Variants in DENND5B observed in about 807,000 individuals in gnomAD.
DENND5B encodes DENN domain-containing protein 5B.
A neutral mutation model predicts 140.6 loss-of-function variants in DENND5B; 34 were observed. The observed-to-expected ratio is 0.24, with a 90% CI of 0.18 to 0.32. The LOEUF is 0.32. Ranked by LOEUF, DENND5B falls within the 10% of genes least tolerant of loss-of-function variation. DENND5B has a pLI of 1.00. For missense variants in DENND5B, 1,142 were observed against 1,560.2 expected, an observed-to-expected ratio of 0.73 and a Z score of 4.52; for synonymous variants, 551 against 562.1, an observed-to-expected ratio of 0.98 and a Z score of 0.28.
chr12:31,433,473 C>G (rs908586066), intron 7 of DENND5B, among the ~76,000 whole-genome samples: 1 of 152,128 alleles, frequency 6.6e-6, no homozygotes, highest in Non-Finnish European at 1.5e-5. Flanking sequence ...TCACCACAAT[C>G]AGAATTTTTA....
intron 1 of DENND5B, among the ~76,000 whole-genome samples, chr12:31,548,096 T>C (rs372324032): frequency 9.9e-5 from 15 of 152,190 alleles, no homozygotes; most frequent in African/African-American, 3.1e-4. Context: ...CTAATATAGT[T>C]CACATTAGAA....
At position 31,398,370 on chromosome 12, in the gene DENND5B, G is replaced by A. The variant is rs1401705573; in HGVS notation, c.3069-8C>T. On this transcript the variant is annotated splice_polypyrimidine_tract_variant and splice_region_variant and intron_variant, in intron 16 of 20. Coordinates refer to ENST00000389082, the MANE Select transcript of DENND5B (RefSeq NM_144973.4). ...CACCGCCCACATGGGAATCTGGTAG[G>A]ACAGAAAACAAGTTTTTTATTTTTT... 4 of 1,523,256 alleles carry A rather than the reference G, an allele frequency of 2.6e-6. No individual in the cohort carries two copies. In the African/African-American group the frequency reaches 4.2e-5, roughly 16 times the overall value. The allele number at this position is 1,523,256 out of a possible 1,614,324, so 94.4% of individuals were successfully genotyped here.
intron 2 of DENND5B, among the ~76,000 whole-genome samples, chr12:31,491,377 C>A (rs1946520691): frequency 6.6e-6 from 1 of 152,094 alleles, no homozygotes; most frequent in Non-Finnish European, 1.5e-5. Context: ...CACTTGAACA[C>A]CGGAGGCAGA....
chr12:31,560,574 GC>G (rs1949439513), intron 1 of DENND5B, among the ~76,000 whole-genome samples: 5 of 152,120 alleles, frequency 3.3e-5, no homozygotes, highest in Admixed American at 3.3e-4. Context: ...AATACAGCTA[GC>G]TGCCAGGATG....
intron 3 of DENND5B, among the ~76,000 whole-genome samples, chr12:31,475,435 C>T (rs1371115789): frequency 6.6e-6 from 1 of 152,100 alleles, no homozygotes; most frequent in Non-Finnish European, 1.5e-5. Flanking sequence ...TGAGCTAAAA[C>T]TCCTGAACAG....
At chr12:31,557,524 G>A (rs1052199751) in intron 1 of DENND5B, among the ~76,000 whole-genome samples, 1 of 151,892 alleles carries the variant, frequency 6.6e-6, no homozygotes, top group Admixed American at 6.6e-5. Flanking sequence ...TGGGATTACA[G>A]GTATGCACCA....
intron 2 of DENND5B, among the ~76,000 whole-genome samples, chr12:31,491,925 C>A (rs1946178145): frequency 1.3e-5 from 2 of 152,200 alleles, no homozygotes; most frequent in South Asian, 4.1e-4. Flanking sequence ...TGATGACTCA[C>A]TGCGGTGGAA....
intron 17 of DENND5B, among the ~76,000 whole-genome samples, chr12:31,395,727 A>G (rs540083792): frequency 6.6e-6 from 1 of 152,284 alleles, no homozygotes; most frequent in Admixed American, 6.5e-5. Context: ...AGGACCTATT[A>G]GGTACCTTTG....
Position 31,587,526 on chromosome 12 carries a change from C to CT in DENND5B, c.127+3179dup, listed in dbSNP as rs71460995. Among the ~76,000 whole-genome samples the CT allele has an allele frequency of 9.6e-4, 72 of 75,036 alleles. 21 individuals are homozygous for CT. Among genetic ancestry groups the CT allele is most frequent in the East Asian group, 3.4e-3 (8 of 2,362 alleles). 49.2% of individuals were successfully genotyped at this position (75,036 alleles called of 152,430 possible). ...CAACAACTTCTCTCACCACAAATAC[C>CT]TTTTTTTTTTTTTTTTTTTTTTTTT... On this transcript the variant is annotated intron_variant, in intron 1 of 20. Transcript: ENST00000389082.
chr12:31,418,401 T>A (rs533064687), intron 11 of DENND5B, among the ~76,000 whole-genome samples: 1 of 151,138 alleles, frequency 6.6e-6, no homozygotes, highest in East Asian at 1.9e-4. Flanking sequence ...AACCTCAGCT[T>A]CTTGATAGCT....
chr12:31,389,589 C>T (rs183563068), intron 19 of DENND5B, 91 bp from the exon 20 acceptor site: 10 of 1,279,074 alleles, frequency 7.8e-6, no homozygotes, highest in East Asian at 7.6e-5. Flanking sequence ...GAAACACTAA[C>T]GATGCTTTGC....
chr12:31,436,787 A>T (rs1478855759), intron 7 of DENND5B, among the ~76,000 whole-genome samples: 1 of 150,806 alleles, frequency 6.6e-6, no homozygotes, highest in Admixed American at 6.6e-5. Flanking sequence ...CGCCCGCCTC[A>T]GCCTCCCAAA....
intron 1 of DENND5B, among the ~76,000 whole-genome samples, chr12:31,527,630 T>G (rs902999200): frequency 2.0e-5 from 3 of 151,832 alleles, no homozygotes; most frequent in African/African-American, 7.3e-5. Flanking sequence ...ATACAAAAAT[T>G]AGCTAGGCAT....
chr12:31,458,151 C>G (rs970282325), intron 4 of DENND5B, among the ~76,000 whole-genome samples: 2 of 152,164 alleles, frequency 1.3e-5, no homozygotes, highest in Non-Finnish European at 2.9e-5. Context: ...ACTGTAGGAG[C>G]TTTCAGAATC....
In DENND5B at chr12:31,555,439, C is replaced by T. The variant is rs1457438362; in HGVS notation, c.127+35267G>A. Among the ~76,000 whole-genome samples the T allele has an allele frequency of 2.0e-5, 3 of 152,134 alleles. No individual in the cohort carries two copies. The East Asian group carries it at 5.8e-4, about 29-fold the overall frequency. On this transcript the variant is annotated intron_variant, in intron 1 of 20. Transcript: ENST00000389082. ...AGTTTTGTCTCAGAGGAGTACCTGGCCGTGTGAGGTGTCAGTCCACCCCTA... is the reference window on the plus strand; with the variant it reads ...AGTTTTGTCTCAGAGGAGTACCTGGTCGTGTGAGGTGTCAGTCCACCCCTA...
At chr12:31,549,736 C>G (rs1346948904) in intron 1 of DENND5B, among the ~76,000 whole-genome samples, 1 of 152,084 alleles carries the variant, frequency 6.6e-6, no homozygotes, top group Non-Finnish European at 1.5e-5. Context: ...GTGTGTTGTT[C>G]CCCTCCCTGT....
chr12:31,427,386 C>T (rs906747643), intron 8 of DENND5B, among the ~76,000 whole-genome samples: 22 of 151,508 alleles, frequency 1.5e-4, no homozygotes, highest in African/African-American at 4.9e-4. Flanking sequence ...GGGTGGATCA[C>T]CAGAGGTCAG....
intron 1 of DENND5B, among the ~76,000 whole-genome samples, chr12:31,531,531 T>C (rs897276886): frequency 6.6e-6 from 1 of 152,234 alleles, no homozygotes. Flanking sequence ...AATTCACATA[T>C]ACTATGGTAA....
At chr12:31,403,381 T>TTTTTTTTC (rs1491373453) in intron 14 of DENND5B, among the ~76,000 whole-genome samples, 2 of 40,614 alleles carry the variant, frequency 4.9e-5, no homozygotes, top group South Asian at 1.2e-3. Context: ...TCCTCCCTTC[T>TTTTTTTTC]TTTTTTTTCT....
Sources: allele counts gnomAD v4.1 joint callset (sites outside exome capture counted in the v4.1 genomes callset), GRCh38; gene constraint gnomAD v4.1.1; transcripts MANE v1.5; gene names NCBI Gene and HGNC (gene_info 2026-07-23, HGNC 2026-07-21).